Variants in RANBP3L observed in about 807,000 individuals in gnomAD.
RANBP3L encodes the protein ran-binding protein 3-like.
Under a neutral mutation model 67.2 loss-of-function variants are expected in RANBP3L, and 56 were observed. That is an observed-to-expected ratio of 0.83 (90% CI 0.67 to 1.04). RANBP3L has a LOEUF of 1.04. Among genes scored for constraint, RANBP3L ranks in the 50% least tolerant of loss-of-function variants. The probability of loss-of-function intolerance (pLI) is 0.00; values close to 1 mark genes in which losing one functional copy is unlikely to be tolerated. For missense variants in RANBP3L, 496 were observed against 535.5 expected (o/e 0.93, Z 0.73); for synonymous variants, 164 against 181.4 (o/e 0.90, Z 0.77).
intron 13 of RANBP3L, among the ~76,000 whole-genome samples, chr5:36,250,767 G>A (rs1748534193): frequency 6.6e-6 from 1 of 152,054 alleles, no homozygotes; most frequent in African/African-American, 2.4e-5. Flanking sequence ...CTAACAGTCT[G>A]TTTATCACTG....
chr5:36,272,234 C>G (rs1373916543), intron 1 of RANBP3L, among the ~76,000 whole-genome samples: 1 of 152,052 alleles, frequency 6.6e-6, no homozygotes, highest in East Asian at 1.9e-4. Context: ...AACAAAAAAG[C>G]CTTAAAGAAA....
At chr5:36,282,210 G>T (rs970236507) in intron 1 of RANBP3L, among the ~76,000 whole-genome samples, 1 of 152,190 alleles carries the variant, frequency 6.6e-6, no homozygotes, top group Admixed American at 6.5e-5. Flanking sequence ...TCTCTGCTTC[G>T]CTGAGGGAGT....
chr5:36,249,625 G>A lies in RANBP3L; in HGVS notation c.*29C>T. On this transcript the variant is annotated 3_prime_UTR_variant, in exon 14 of 14. Coordinates refer to ENST00000296604, the MANE Select transcript of RANBP3L (RefSeq NM_145000.5). ...TTTCAGTAGGGTGACCCCTCTTTTT[G>A]TAGATGTCATGTTTATAGTAGGTAG... 1.5e-6 allele frequency: 2 copies of A among 1,347,158 alleles called. No individual in the cohort carries two copies. The highest frequency in any genetic ancestry group is 1.0e-6 in the Non-Finnish European group (1 of 973,682). The allele number at this position is 1,347,158 out of a possible 1,614,324, so 83.5% of individuals were successfully genotyped here. A position where few individuals can be genotyped will look rare whatever the true frequency, so the allele number is the denominator to read the frequency against.
chr5:36,284,688 A>G (rs1319873226), intron 1 of RANBP3L, among the ~76,000 whole-genome samples: 5 of 152,228 alleles, frequency 3.3e-5, no homozygotes, highest in Non-Finnish European at 7.3e-5. Context: ...AGTGTGGGAC[A>G]TAGGGGCTAG....
At chr5:36,267,364 G>A (rs1260703260) in intron 4 of RANBP3L, among the ~76,000 whole-genome samples, 1 of 152,018 alleles carries the variant, frequency 6.6e-6, no homozygotes, top group African/African-American at 2.4e-5. Flanking sequence ...AAAATTAGCT[G>A]GGCATGGGTG....
At chr5:36,288,462 G>A (rs1289680343) in intron 1 of RANBP3L, among the ~76,000 whole-genome samples, 4 of 152,130 alleles carry the variant, frequency 2.6e-5, no homozygotes, top group African/African-American at 4.8e-5. Flanking sequence ...CAAGGCTTTC[G>A]TGGATATATT....
intron 11 of RANBP3L, among the ~76,000 whole-genome samples, chr5:36,255,082 AAAT>A (rs1304384568): frequency 1.3e-5 from 2 of 152,142 alleles, no homozygotes; most frequent in South Asian, 2.1e-4. Context: ...ATATTCTTTC[AAAT>A]AATAATAAGA....
intron 2 of RANBP3L, among the ~76,000 whole-genome samples, chr5:36,270,625 G>T (rs146955119): frequency 1.4e-3 from 216 of 152,162 alleles, no homozygotes; most frequent in African/African-American, 5.0e-3. Flanking sequence ...CAAGTAGCTG[G>T]GACTGACTAC....
intron 1 of RANBP3L, among the ~76,000 whole-genome samples, chr5:36,283,670 C>T (rs990057): frequency 0.21 from 32,538 of 151,972 alleles, 4,156 homozygotes; most frequent in Non-Finnish European, 0.28. Flanking sequence ...ACAGACTTTC[C>T]TCTTTACTCT....
At chr5:36,271,351 C>T (rs777440953) in intron 1 of RANBP3L, 40 bp from the exon 2 acceptor site, 3 of 1,256,636 alleles carry the variant, frequency 2.4e-6, no homozygotes, top group South Asian at 2.5e-5. Flanking sequence ...TCAAAGCATA[C>T]TCTGACATTT....
intron 4 of RANBP3L, among the ~76,000 whole-genome samples, chr5:36,267,645 T>C (rs941292396): frequency 6.6e-6 from 1 of 152,242 alleles, no homozygotes; most frequent in Non-Finnish European, 1.5e-5. Flanking sequence ...ATTGATTGTT[T>C]AGTAGAAATA....
At chr5:36,300,970 T>A (rs923505267) in intron 1 of RANBP3L, among the ~76,000 whole-genome samples, 1 of 152,168 alleles carries the variant, frequency 6.6e-6, no homozygotes, top group Non-Finnish European at 1.5e-5. Flanking sequence ...AGTGGTACTA[T>A]GGTAGAGAAA....
intron 12 of RANBP3L, among the ~76,000 whole-genome samples, chr5:36,252,402 A>G (rs199558773): frequency 6.7e-6 from 1 of 148,680 alleles, no homozygotes. Flanking sequence ...GTAAAATAAC[A>G]TGTGTATTTC....
intron 1 of RANBP3L, among the ~76,000 whole-genome samples, chr5:36,296,425 A>G (rs1752219991): frequency 6.6e-6 from 1 of 152,176 alleles, no homozygotes; most frequent in South Asian, 2.1e-4. Flanking sequence ...GACAAAAAGA[A>G]AATCATGAGG....
At chr5:36,276,091 G>T (rs995780456) in intron 1 of RANBP3L, among the ~76,000 whole-genome samples, 3 of 152,076 alleles carry the variant, frequency 2.0e-5, no homozygotes, top group African/African-American at 7.2e-5. Flanking sequence ...CTTGCTTCCT[G>T]GGCTTAACTG....
At chr5:36,258,716 C>G (rs995820064) in intron 8 of RANBP3L, among the ~76,000 whole-genome samples, 11 of 152,212 alleles carry the variant, frequency 7.2e-5, no homozygotes, top group Non-Finnish European at 1.5e-4. Context: ...AACCCGTAGT[C>G]CTGACTATAG....
intron 9 of RANBP3L, 111 bp downstream of exon 9, chr5:36,257,343 A>T (rs1028977944): frequency 2.6e-5 from 12 of 455,624 alleles, no homozygotes; most frequent in Middle Eastern, 6.0e-4. Context: ...TTGGTTTTTT[A>T]AATCTTATAG....
At chr5:36,273,300 AC>A (rs1339647556) in intron 1 of RANBP3L, among the ~76,000 whole-genome samples, 2 of 152,206 alleles carry the variant, frequency 1.3e-5, no homozygotes, top group Non-Finnish European at 2.9e-5. Flanking sequence ...CAAGCATATA[AC>A]TAAAAATGTG....
rs916881538 is a variant in RANBP3L, at chr5:36,253,759, A to G, written c.1055T>C (p.Ile352Thr). Reference sequence around the variant, plus strand: ...TTGGGCCCAGAGTTTGCTGTTGAGGATCAGCCTTAGACTGCCTTGATTGCG... The same window carrying G: ...TTGGGCCCAGAGTTTGCTGTTGAGGGTCAGCCTTAGACTGCCTTGATTGCG... ...IMRNQGSLRL[I>T]LNSKLWAQMK... is the part of the protein sequence containing the mutation. The change falls in exon 12 of 14, where the codon ATC becomes ACC. Residue 352 changes from isoleucine to threonine, a missense_variant. Physicochemically the swap from Ile to Thr is moderately conservative, Grantham distance 89 (BLOSUM62 -1). Coordinates refer to ENST00000296604, the MANE Select transcript of RANBP3L (RefSeq NM_145000.5). The G allele has an allele frequency of 4.3e-6, 7 of 1,613,042 alleles. No homozygotes were observed. Among genetic ancestry groups the G allele is most frequent in the Non-Finnish European group, 5.9e-6 (7 of 1,179,286 alleles).
Sources: gnomAD v4.1 joint callset for allele counts (sites outside exome capture counted in the v4.1 genomes callset) on GRCh38, gnomAD v4.1.1 for gene constraint, MANE v1.5 for transcripts, NCBI Gene and HGNC (gene_info 2026-07-23, HGNC 2026-07-21) for gene names.